The following USP42 variants were observed in gnomAD, a reference collection of about 807,000 sequenced individuals.
USP42 encodes ubiquitin carboxyl-terminal hydrolase 42.
In USP42, 23 loss-of-function variants were observed where a neutral mutation model predicts 113.0. That is an observed-to-expected ratio of 0.20 (90% CI 0.15 to 0.29). The LOEUF (loss-of-function observed/expected upper bound fraction) is 0.29. USP42 is among the 10% of genes least tolerant of loss of function. The pLI is 1.00. For missense variants in USP42, 2,174 were observed against 1,779.8 expected (o/e 1.22, Z -3.99); for synonymous variants, 933 against 699.0 (o/e 1.33, Z -5.28).
chr7:6,107,597 C>T (rs1271024092), intron 1 of USP42, among the ~76,000 whole-genome samples: 2 of 151,800 alleles, frequency 1.3e-5, no homozygotes, highest in African/African-American at 2.4e-5. Context: ...TTAGTAGAGA[C>T]GGGATTTCTC....
the USP42 span, among the ~76,000 whole-genome samples, chr7:6,088,251 C>T: frequency 6.6e-6 from 1 of 150,980 alleles, no homozygotes; most frequent in Non-Finnish European, 1.5e-5. Flanking sequence ...ACCCTACTCA[C>T]ATTACTTTTT....
At position 6,154,994 on chromosome 7, in the gene USP42, T is replaced by C; in HGVS notation, c.3440T>C (p.Leu1147Pro). 2 of 1,564,276 alleles carry C rather than the reference T, an allele frequency of 1.3e-6. No homozygotes were observed. Among genetic ancestry groups the C allele is most frequent in the Non-Finnish European group, 8.7e-7 (1 of 1,154,090 alleles). ...TALVAGDNCN[L>P]SDRFHEHENG... ...CTTGTAGCCGGAGACAACTGTAACCTCTCTGATCGGTTTCACGAACACGAA... is the reference window on the plus strand; with the variant it reads ...CTTGTAGCCGGAGACAACTGTAACCCCTCTGATCGGTTTCACGAACACGAA... The change falls in exon 15 of 18, where the codon CTC becomes CCC. Residue 1147 changes from leucine to proline, a missense_variant. Physicochemically the swap from Leu to Pro is moderately conservative, Grantham distance 98. Coordinates refer to ENST00000306177, the MANE Select transcript of USP42 (RefSeq NM_032172.3).
At chr7:6,145,749 A>G in intron 10 of USP42, 93 bp downstream of exon 10, 1 of 1,389,550 alleles carries the variant, frequency 7.2e-7, no homozygotes, top group Non-Finnish European at 9.8e-7. Flanking sequence ...GAACTTTTAC[A>G]GTTAAAATGT....
intron 1 of USP42, among the ~76,000 whole-genome samples, chr7:6,105,286 G>T (rs1393547725): frequency 6.8e-6 from 1 of 146,572 alleles, no homozygotes; most frequent in Non-Finnish European, 1.5e-5. Flanking sequence ...GGCGGGCACC[G>T]GGGTAGCCGG....
intron 15 of USP42, among the ~76,000 whole-genome samples, 155 bp from the exon 16 acceptor site, chr7:6,156,599 G>T (rs7803199): frequency 6.6e-6 from 1 of 151,884 alleles, no homozygotes; most frequent in African/African-American, 2.4e-5. Context: ...ACAGGTGTGC[G>T]CCACCATACC....
chr7:6,157,019 A>G lies in USP42; in HGVS notation c.3907A>G (p.Arg1303Gly). Residue 1303 changes from arginine (R) to glycine (G), a missense_variant, in exon 16 of 18, where the codon AGG (arginine) becomes GGG (glycine). By Grantham distance (125) the Arg-to-Gly change is moderately radical. Transcript: ENST00000306177. This position sits in a 1 kb window ranked among gnomAD's most constrained non-coding sequence, Gnocchi z 4.1. ...EKTKHLRMES[R>G]DDRCRLFEYG... ...AACGAAACACTTACGGATGGAAAGC[A>G]GGGATGACAGGTGTCGTCTCTTTGA... is the stretch of plus-strand genomic sequence containing the variant. 1 of 1,612,270 alleles carries G rather than the reference A, an allele frequency of 6.2e-7. No homozygotes were observed.
the USP42 span, among the ~76,000 whole-genome samples, chr7:6,091,978 TTTCTTC>T: frequency 0.075 from 5,094 of 67,838 alleles, 568 homozygotes; most frequent in East Asian, 0.16. Flanking sequence ...GGACGTATTT[TTTCTTC>T]TTCTTCTTCT....
the USP42 span, among the ~76,000 whole-genome samples, chr7:6,085,924 A>C: frequency 6.0e-5 from 9 of 150,794 alleles, 1 homozygote; most frequent in African/African-American, 2.0e-4. Flanking sequence ...ATTAGTCTAT[A>C]TTTTTTATAA....
chr7:6,111,748 G>C (rs959619269), intron 2 of USP42: 1 of 160,292 alleles, frequency 6.2e-6, no homozygotes, highest in African/African-American at 2.5e-5. Context: ...GACTACAGGC[G>C]CCTGCCACCA....
Position 6,145,548 on chromosome 7 carries a change from G to T in USP42, c.1023G>T (p.Arg341=). ...AATACCCTGAGTATCTTGATATTCG[G>T]CCATATATGTCTCAACCCAACGGAG... ...DVKYPEYLDI[R]PYMSQPNGEP... is the part of the protein sequence containing the mutation. Residue 341 remains arginine (R), a synonymous_variant, in exon 10 of 18, where the codon CGG becomes CGT. Transcript: ENST00000306177. The T allele has an allele frequency of 6.2e-7, 1 of 1,613,844 alleles. No individual in the cohort carries two copies. The highest frequency in any genetic ancestry group is 8.5e-7 in the Non-Finnish European group (1 of 1,179,866).
rs758935843 is a variant in USP42, at chr7:6,156,913, C to T, written c.3801C>T (p.Val1267=). 45 of 1,613,776 alleles carry T rather than the reference C, an allele frequency of 2.8e-5. No individual in the cohort carries two copies. Among genetic ancestry groups the T allele is most frequent in the Middle Eastern group, 3.3e-4 (2 of 6,084 alleles). Residue 1267 remains valine, a synonymous_variant, in exon 16 of 18, where the codon GTC becomes GTT. Coordinates refer to ENST00000306177, the MANE Select transcript of USP42 (RefSeq NM_032172.3). ...CCAGGGTCACCAGCTTGGAGACTGTCGCCCAGTTCCGGAGAGCCCAGGGTG... is the reference window on the plus strand; with the variant it reads ...CCAGGGTCACCAGCTTGGAGACTGTTGCCCAGTTCCGGAGAGCCCAGGGTG... ...HLPRVTSLET[V]AQFRRAQGGF...
upstream of USP42, among the ~76,000 whole-genome samples, chr7:6,104,650 G>A (rs1237300300): frequency 3.9e-5 from 6 of 152,162 alleles, no homozygotes; most frequent in African/African-American, 9.6e-5. Flanking sequence ...AGGGCGGAAG[G>A]AGCCCTTTCG....
At chr7:6,127,049 G>C (rs548368180) in intron 3 of USP42, among the ~76,000 whole-genome samples, 1 of 152,186 alleles carries the variant, frequency 6.6e-6, no homozygotes, top group Non-Finnish European at 1.5e-5. Context: ...TGGTAACTCA[G>C]TGTGGCTTTC....
At chr7:6,156,616 A>C (rs1257727522) in intron 15 of USP42, 138 bp from the exon 16 acceptor site, 1 of 1,322,368 alleles carries the variant, frequency 7.6e-7, no homozygotes, top group Non-Finnish European at 9.8e-7. Flanking sequence ...TACCTGGCCT[A>C]CGTGGCTAAT....
Position 6,156,748 on chromosome 7 carries a change from C to T in USP42, c.3642-6C>T. On this transcript the variant is annotated splice_region_variant and splice_polypyrimidine_tract_variant and intron_variant, in intron 15 of 17. Coordinates refer to ENST00000306177, the MANE Select transcript of USP42 (RefSeq NM_032172.3). The stretch of plus-strand genomic sequence containing the variant: ...GGGTTTTGAATTCTGGCTTTTCCTT[C>T]TGCAGGCATCAGCAGGACTCAGACC... The T allele has an allele frequency of 6.5e-7, 1 of 1,528,092 alleles. No homozygotes were observed. Among genetic ancestry groups the T allele is most frequent in the Non-Finnish European group, 8.8e-7 (1 of 1,142,330 alleles). The allele number at this position is 1,528,092 out of a possible 1,614,324, so 94.7% of individuals were successfully genotyped here. A position where few individuals can be genotyped will look rare whatever the true frequency, so the allele number is the denominator to read the frequency against.
At chr7:6,113,664 C>T (rs1779724343) in intron 2 of USP42, among the ~76,000 whole-genome samples, 1 of 152,030 alleles carries the variant, frequency 6.6e-6, no homozygotes, top group Non-Finnish European at 1.5e-5. Flanking sequence ...CTCTGTCGCC[C>T]AGGCTGGAGA....
chr7:6,123,823 A>C (rs1583607886), intron 3 of USP42, among the ~76,000 whole-genome samples: 2 of 120,042 alleles, frequency 1.7e-5, no homozygotes, highest in Admixed American at 9.0e-5. Context: ...ACGAAAGGAG[A>C]CCCTGTCTCA....
chr7:6,114,335 T>C (rs1484356806), intron 2 of USP42, among the ~76,000 whole-genome samples: 1 of 152,142 alleles, frequency 6.6e-6, no homozygotes, highest in Non-Finnish European at 1.5e-5. Flanking sequence ...GATTGTATTA[T>C]TTATTTTTTA....
the USP42 span, among the ~76,000 whole-genome samples, chr7:6,086,559 A>G: frequency 1.3e-5 from 2 of 150,728 alleles, no homozygotes; most frequent in African/African-American, 5.0e-5. Context: ...CATGTTGGCC[A>G]TGCTGGTTTC....
Sources: gnomAD v4.1 joint callset for allele counts (sites outside exome capture counted in the v4.1 genomes callset) on GRCh38, gnomAD v4.1.1 for gene constraint, Gnocchi (gnomAD v3.1) non-coding constraint, MANE v1.5 for transcripts, NCBI Gene and HGNC (gene_info 2026-07-23, HGNC 2026-07-21) for gene names.